GLI2: variants seen among roughly 807,000 people sequenced by gnomAD.
GLI2 encodes the protein GLI family zinc finger 2.
GLI2 carries 22 observed loss-of-function variants against 78.9 expected under a neutral mutation model. The ratio of observed to expected loss-of-function variants is 0.28; its 90% confidence interval spans 0.20 to 0.40. The LOEUF is 0.40. Among genes scored for constraint, GLI2 ranks in the 10% least tolerant of loss-of-function variants. The pLI is 1.00. For missense variants in GLI2, 2,097 were observed against 2,213.2 expected, an observed-to-expected ratio of 0.95 and a Z score of 1.05; for synonymous variants, 974 against 963.7, an observed-to-expected ratio of 1.01 and a Z score of -0.20.
chr2:120,847,081 G>T (rs766980313), intron 2 of GLI2, among the ~76,000 whole-genome samples: 29 of 151,974 alleles, frequency 1.9e-4, no homozygotes, highest in South Asian at 1.5e-3. Flanking sequence ...GGGGCTCTGC[G>T]TCTGAAACAA....
At chr2:120,964,777 T>C (rs1006698307) in intron 5 of GLI2, among the ~76,000 whole-genome samples, 3 of 152,204 alleles carry the variant, frequency 2.0e-5, no homozygotes, top group Non-Finnish European at 4.4e-5. Context: ...CCACTGAAAG[T>C]GGGAGGTCGA....
intron 1 of GLI2, among the ~76,000 whole-genome samples, chr2:120,754,895 C>G: frequency 6.6e-6 from 1 of 151,414 alleles, no homozygotes; most frequent in South Asian, 2.1e-4. Context: ...TCTTGTTGCC[C>G]AGGCTGGAGT....
rs1366453567 is a variant in GLI2 at position 120,764,812 on chromosome 2, C to T, written c.-31+28527C>T. ...CCCAGCATTTCTAAAATTCACATAA[C>T]GTGGAACATCTGACTGGGAACAGGA... On this transcript the variant is annotated intron_variant, in intron 1 of 13. Transcript: ENST00000361492. Among the ~76,000 whole-genome samples, 7 of 152,310 alleles carry T rather than the reference C, an allele frequency of 4.6e-5. No homozygotes were observed. In the South Asian group the frequency reaches 1.2e-3, roughly 27 times the overall value.
chr2:120,897,048 GCTGGGGGAAGAGATTC>G (rs1558866110), intron 2 of GLI2, among the ~76,000 whole-genome samples: 1 of 152,208 alleles, frequency 6.6e-6, no homozygotes, highest in Non-Finnish European at 1.5e-5. Flanking sequence ...AGGGAGAGGG[GCTGGGGGAAGAGATTC>G]CTGCACTGTT....
intron 2 of GLI2, among the ~76,000 whole-genome samples, chr2:120,810,999 T>G (rs1375316962): frequency 1.3e-5 from 2 of 152,236 alleles, no homozygotes; most frequent in African/African-American, 4.8e-5. Flanking sequence ...TGGGGGCAAC[T>G]TATTGGCTAG....
chr2:120,804,020 A>G (rs1405155549), intron 2 of GLI2, among the ~76,000 whole-genome samples: 3 of 151,834 alleles, frequency 2.0e-5, no homozygotes, highest in Non-Finnish European at 4.4e-5. Flanking sequence ...TGTGCTACCT[A>G]CTCATACTGA....
chr2:120,946,343 G>A (rs903003125), intron 3 of GLI2, among the ~76,000 whole-genome samples: 2 of 152,210 alleles, frequency 1.3e-5, no homozygotes, highest in Non-Finnish European at 2.9e-5. Flanking sequence ...GCAATGCATA[G>A]GGGCAGTGTA....
intron 2 of GLI2, among the ~76,000 whole-genome samples, chr2:120,812,629 C>A (rs2077242): frequency 0.37 from 56,198 of 151,888 alleles, 12,710 homozygotes; most frequent in South Asian, 0.52. Flanking sequence ...TACCCTCACA[C>A]CCTGGCGTGT....
At chr2:120,966,418 G>C (rs979875198) in intron 5 of GLI2, among the ~76,000 whole-genome samples, 1 of 152,180 alleles carries the variant, frequency 6.6e-6, no homozygotes, top group Non-Finnish European at 1.5e-5. Flanking sequence ...TTCCAGTCCA[G>C]GTCTCCATCC....
At position 120,988,671 on chromosome 2, in the gene GLI2, G is replaced by A; in HGVS notation, c.2706G>A (p.Leu902=). The change falls in exon 14 of 14, where the codon CTG becomes CTA. Residue 902 remains leucine (L), a synonymous_variant. Coordinates refer to ENST00000361492, the MANE Select transcript of GLI2 (RefSeq NM_001374353.1). ...ERMSLRTRLA[L]LDAPERTLPA... is the part of the protein sequence containing the mutation. ...TGAGCCTGCGGACCAGGCTGGCGCTGCTGGACGCGCCCGAGCGCACGCTGC... is the reference window on the plus strand; with the variant it reads ...TGAGCCTGCGGACCAGGCTGGCGCTACTGGACGCGCCCGAGCGCACGCTGC... 1 of 1,369,204 alleles carries A rather than the reference G, an allele frequency of 7.3e-7. No individual in the cohort carries two copies. The highest frequency in any genetic ancestry group is 9.4e-7 in the Non-Finnish European group (1 of 1,060,824). 84.8% of individuals were successfully genotyped at this position (1,369,204 alleles called of 1,614,324 possible).
chr2:120,820,308 G>A (rs753448289), intron 2 of GLI2, among the ~76,000 whole-genome samples: 45 of 152,168 alleles, frequency 3.0e-4, no homozygotes, highest in Non-Finnish European at 6.3e-4. Context: ...CTCAGCTGTC[G>A]CCCTCGTATT....
At chr2:120,864,084 T>G (rs1379774919) in intron 2 of GLI2, among the ~76,000 whole-genome samples, 1 of 152,152 alleles carries the variant, frequency 6.6e-6, no homozygotes, top group Admixed American at 6.5e-5. Context: ...CAGGGAAAGT[T>G]CTGGGTGTGG....
chr2:120,762,051 A>G (rs928452680), intron 1 of GLI2, among the ~76,000 whole-genome samples: 1 of 152,210 alleles, frequency 6.6e-6, no homozygotes, highest in African/African-American at 2.4e-5. Context: ...GCACCCACGG[A>G]GCCGGGCAGT....
intron 3 of GLI2, among the ~76,000 whole-genome samples, chr2:120,929,462 T>G (rs1170734719): frequency 6.6e-6 from 1 of 152,246 alleles, no homozygotes; most frequent in African/African-American, 2.4e-5. Context: ...GATTTTCTGT[T>G]TCTATCATTT....
At chr2:120,759,171 CAT>C (rs759045250) in intron 1 of GLI2, among the ~76,000 whole-genome samples, 22 of 152,326 alleles carry the variant, frequency 1.4e-4, no homozygotes, top group South Asian at 4.1e-4. Context: ...ACACAGAAAA[CAT>C]GTGTGACCAA....
intron 2 of GLI2, among the ~76,000 whole-genome samples, chr2:120,837,756 T>G (rs533808931): frequency 5.3e-5 from 8 of 152,356 alleles, no homozygotes; most frequent in Non-Finnish European, 1.2e-4. Flanking sequence ...TATTTCTTAA[T>G]TTTTAATGAT....
Position 120,990,959 on chromosome 2 carries a change from C to CA in GLI2, c.*284_*285insA, listed in dbSNP as rs1683272691. ...CCAGCCTTTGGTGCTTACAGGACCG[C>CA]GCTGTTCCGGCTTCTTCACGGCTGA... On this transcript the variant is annotated 3_prime_UTR_variant, in exon 14 of 14. Transcript: ENST00000361492. 3 of 427,672 alleles carry CA rather than the reference C, an allele frequency of 7.0e-6. No homozygotes were observed. The East Asian group carries it at 1.2e-4, about 17-fold the overall frequency. The allele number at this position is 427,672 out of a possible 1,614,324, so 26.5% of individuals were successfully genotyped here. A position where few individuals can be genotyped will look rare whatever the true frequency, so the allele number is the denominator to read the frequency against.
At chr2:120,795,126 G>C (rs1684327509) in intron 1 of GLI2, among the ~76,000 whole-genome samples, 1 of 152,202 alleles carries the variant, frequency 6.6e-6, no homozygotes, top group Non-Finnish European at 1.5e-5. Context: ...CCCAGCTGAG[G>C]TGAGAGGATC....
At chr2:120,941,275 C>A (rs1303791263) in intron 3 of GLI2, among the ~76,000 whole-genome samples, 1 of 152,230 alleles carries the variant, frequency 6.6e-6, no homozygotes, top group African/African-American at 2.4e-5. Context: ...TGCAAATCCC[C>A]TTAGTACATT....
Sources: allele counts gnomAD v4.1 joint callset (sites outside exome capture counted in the v4.1 genomes callset), GRCh38; gene constraint gnomAD v4.1.1; transcripts MANE v1.5; gene names NCBI Gene and HGNC (gene_info 2026-07-23, HGNC 2026-07-21).